The following REDIC1 variants were observed in gnomAD, a reference collection of about 807,000 sequenced individuals.
REDIC1 encodes regulator of DNA class I crossover intermediates 1.
chr12:39,670,526 T>G, the REDIC1 span, among the ~76,000 whole-genome samples: 11 of 152,196 alleles, frequency 7.2e-5, no homozygotes. Context: ...TATAATGTGG[T>G]GGGAGATAAG....
chr12:39,713,225 CAT>C, the REDIC1 span, among the ~76,000 whole-genome samples: 1 of 146,580 alleles, frequency 6.8e-6, no homozygotes, highest in Admixed American at 6.8e-5. Flanking sequence ...TTATATTACA[CAT>C]ATACGTGTAT....
chr12:39,733,658 T>A, the REDIC1 span, among the ~76,000 whole-genome samples: 6 of 152,210 alleles, frequency 3.9e-5, no homozygotes, highest in Non-Finnish European at 7.4e-5. Flanking sequence ...TGAGCTGCAG[T>A]GGGCTCTGCC....
the REDIC1 span, among the ~76,000 whole-genome samples, chr12:39,769,480 G>A: frequency 6.6e-6 from 1 of 151,960 alleles, no homozygotes; most frequent in Non-Finnish European, 1.5e-5. Flanking sequence ...TTCTCTATCA[G>A]CTTCTACTTT....
the REDIC1 span, among the ~76,000 whole-genome samples, chr12:39,665,744 T>C: frequency 9.9e-4 from 135 of 136,522 alleles, no homozygotes; most frequent in Middle Eastern, 3.6e-3. Flanking sequence ...CCTCTTTTAT[T>C]TCATTGAGCA....
the REDIC1 span, among the ~76,000 whole-genome samples, chr12:39,787,530 T>C: frequency 6.6e-6 from 1 of 152,168 alleles, no homozygotes; most frequent in Non-Finnish European, 1.5e-5. Flanking sequence ...ATCCCAGGCA[T>C]ACTACTTTTC....
chr12:39,706,828 GTC>G, the REDIC1 span, among the ~76,000 whole-genome samples: 1 of 151,982 alleles, frequency 6.6e-6, no homozygotes, highest in South Asian at 2.1e-4. Context: ...CTAGACCCCT[GTC>G]TCTCACCATA....
chr12:39,846,255 T>G, the REDIC1 span, among the ~76,000 whole-genome samples: 3 of 152,136 alleles, frequency 2.0e-5, no homozygotes, highest in Non-Finnish European at 2.9e-5. Flanking sequence ...TATTCACCTT[T>G]GACCATAAGG....
the REDIC1 span, among the ~76,000 whole-genome samples, chr12:39,698,327 A>G: frequency 6.6e-6 from 1 of 152,174 alleles, no homozygotes; most frequent in Non-Finnish European, 1.5e-5. Context: ...CCAACACTGA[A>G]GCACCCAGAT....
At chr12:39,711,464 C>T in the REDIC1 span, among the ~76,000 whole-genome samples, 1 of 141,474 alleles carries the variant, frequency 7.1e-6, no homozygotes, top group African/African-American at 2.6e-5. Context: ...CACATATACA[C>T]ATACATATAT....
At chr12:39,877,987 A>G in the REDIC1 span, among the ~76,000 whole-genome samples, 1 of 152,016 alleles carries the variant, frequency 6.6e-6, no homozygotes, top group Non-Finnish European at 1.5e-5. Flanking sequence ...ACCTCCCCTG[A>G]CCCACTCTCC....
chr12:39,759,101 ATAG>A, the REDIC1 span: 3 of 152,448 alleles, frequency 2.0e-5, no homozygotes, highest in African/African-American at 7.2e-5. Flanking sequence ...AAGGCACGAA[ATAG>A]TAGGACTCCA....
the REDIC1 span, among the ~76,000 whole-genome samples, chr12:39,732,007 G>T: frequency 5.9e-5 from 9 of 152,156 alleles, no homozygotes; most frequent in African/African-American, 2.2e-4. Context: ...CATGGGTCCT[G>T]TTCCAATGAT....
At chr12:39,686,034 T>C in the REDIC1 span, among the ~76,000 whole-genome samples, 3 of 152,234 alleles carry the variant, frequency 2.0e-5, no homozygotes, top group South Asian at 6.2e-4. Context: ...CCTGCCTCTG[T>C]GGTTTTGCAA....
the REDIC1 span, among the ~76,000 whole-genome samples, chr12:39,796,132 A>G: frequency 6.6e-6 from 1 of 152,210 alleles, no homozygotes; most frequent in Admixed American, 6.5e-5. Flanking sequence ...ATCATACAGT[A>G]TATCACCTTT....
At chr12:39,692,417 C>T in the REDIC1 span, among the ~76,000 whole-genome samples, 2 of 151,868 alleles carry the variant, frequency 1.3e-5, no homozygotes, top group African/African-American at 4.8e-5. Context: ...ATTTCATATC[C>T]TGCCCTCTAG....
At chr12:39,821,434 C>T in the REDIC1 span, among the ~76,000 whole-genome samples, 1 of 151,790 alleles carries the variant, frequency 6.6e-6, no homozygotes, top group African/African-American at 2.4e-5. Flanking sequence ...TTTTTTTGTG[C>T]CCTTCCACAG....
chr12:39,903,588 C>G, the REDIC1 span, among the ~76,000 whole-genome samples: 1 of 152,032 alleles, frequency 6.6e-6, no homozygotes, highest in Non-Finnish European at 1.5e-5. Flanking sequence ...AAACCAAACT[C>G]ATGAGTTCTA....
At chr12:39,807,281 CTG>C in the REDIC1 span, among the ~76,000 whole-genome samples, 1 of 152,132 alleles carries the variant, frequency 6.6e-6, no homozygotes. Flanking sequence ...TATATCTTGA[CTG>C]TACTGGTGGA....
the REDIC1 span, among the ~76,000 whole-genome samples, chr12:39,896,482 GTA>G: frequency 1.4e-5 from 2 of 145,764 alleles, no homozygotes; most frequent in Admixed American, 7.0e-5. Context: ...ATGTATATGT[GTA>G]TATATGTACA....
Sources: gnomAD v4.1 joint callset for allele counts (sites outside exome capture counted in the v4.1 genomes callset) on GRCh38, gnomAD v4.1.1 for gene constraint, MANE v1.5 for transcripts, NCBI Gene and HGNC (gene_info 2026-07-23, HGNC 2026-07-21) for gene names.